Variants in UNC13C observed in about 807,000 individuals in gnomAD.
UNC13C encodes unc-13 homolog C, also known as protein unc-13 homolog C.
In UNC13C, 174 loss-of-function variants were observed where a neutral mutation model predicts 245.4. That is an observed-to-expected ratio of 0.71 (90% CI 0.63 to 0.80). The LOEUF (loss-of-function observed/expected upper bound fraction) is 0.80. Ranked by LOEUF, UNC13C falls within the 30% of genes least tolerant of loss-of-function variation. The probability of loss-of-function intolerance (pLI) is 0.00; values close to 1 mark genes in which losing one functional copy is unlikely to be tolerated. For missense variants in UNC13C, 2,829 were observed against 2,602.9 expected, an observed-to-expected ratio of 1.09 and a Z score of -1.89; for synonymous variants, 992 against 895.1, an observed-to-expected ratio of 1.11 and a Z score of -1.93.
chr15:53,928,687 G>A, the UNC13C span, among the ~76,000 whole-genome samples: 1 of 152,232 alleles, frequency 6.6e-6, no homozygotes, highest in African/African-American at 2.4e-5. Context: ...AGTTCTTGCA[G>A]TTGGGATTAA....
the UNC13C span, among the ~76,000 whole-genome samples, chr15:53,844,625 G>A: frequency 6.6e-6 from 1 of 152,104 alleles, no homozygotes. Context: ...TCAGGTTCTT[G>A]AGAATGACAT....
intron 29 of UNC13C, among the ~76,000 whole-genome samples, chr15:54,567,086 C>T (rs1897548919): frequency 6.6e-6 from 1 of 152,040 alleles, no homozygotes; most frequent in South Asian, 2.1e-4. Flanking sequence ...TCTGTCTGTG[C>T]ATAACACTTG....
chr15:54,090,005 T>C (rs900892172), intron 2 of UNC13C, among the ~76,000 whole-genome samples: 7 of 151,964 alleles, frequency 4.6e-5, no homozygotes, highest in African/African-American at 1.5e-4. Context: ...GGAAGGACTC[T>C]GGCACAAACA....
At chr15:53,897,892 C>G in the UNC13C span, among the ~76,000 whole-genome samples, 775 of 152,280 alleles carry the variant, frequency 5.1e-3, 3 homozygotes, top group African/African-American at 0.018. Context: ...TTCTGTCTAA[C>G]CCCTACTAAA....
At chr15:53,976,384 C>T (rs1045878065), upstream of UNC13C, among the ~76,000 whole-genome samples, 14 of 150,818 alleles carry the variant, frequency 9.3e-5, no homozygotes, top group African/African-American at 2.7e-4. Flanking sequence ...ATTTCCTCTA[C>T]GAGAATATTT....
chr15:54,042,055 C>G (rs980712037), intron 2 of UNC13C, among the ~76,000 whole-genome samples: 3 of 152,012 alleles, frequency 2.0e-5, no homozygotes, highest in Non-Finnish European at 4.4e-5. Flanking sequence ...TTGTGAGCAC[C>G]AACAAGATGC....
At chr15:54,485,182 A>C (rs982250036) in intron 19 of UNC13C, among the ~76,000 whole-genome samples, 1 of 152,226 alleles carries the variant, frequency 6.6e-6, no homozygotes, top group Non-Finnish European at 1.5e-5. Flanking sequence ...TTGATGATCC[A>C]CTTCATTCCC....
chr15:54,582,413 A>T (rs2141241237), intron 30 of UNC13C, among the ~76,000 whole-genome samples: 1 of 152,280 alleles, frequency 6.6e-6, no homozygotes, highest in East Asian at 1.9e-4. Context: ...AAGATATGAG[A>T]TATAGTTAAG....
At chr15:54,523,429 G>A (rs543908121) in intron 24 of UNC13C, among the ~76,000 whole-genome samples, 9 of 152,266 alleles carry the variant, frequency 5.9e-5, no homozygotes, top group African/African-American at 9.6e-5. Context: ...GAGACATTCC[G>A]TCTGCACCTG....
At chr15:54,065,531 G>A (rs1474428543) in intron 2 of UNC13C, among the ~76,000 whole-genome samples, 2 of 152,138 alleles carry the variant, frequency 1.3e-5, no homozygotes, top group African/African-American at 4.8e-5. Flanking sequence ...AAATCTCAGT[G>A]GCTTATCATA....
rs919471978 is a variant in UNC13C, at chr15:54,057,874, C to T, written c.2983+41988C>T. Among the ~76,000 whole-genome samples, 20 of 152,166 alleles carry T rather than the reference C, an allele frequency of 1.3e-4. No homozygotes were observed. In the East Asian group the frequency reaches 3.1e-3, roughly 23 times the overall value. ...TCCTGAATGACTACTGGGTACATAA[C>T]GAAACGAAGGCAGAAATAAAGATGT... On this transcript the variant is annotated intron_variant, in intron 2 of 32. Transcript: ENST00000260323.
At chr15:54,587,163 T>C (rs1010365670) in intron 30 of UNC13C, among the ~76,000 whole-genome samples, 8 of 152,232 alleles carry the variant, frequency 5.3e-5, no homozygotes, top group African/African-American at 1.9e-4. Flanking sequence ...GTCATGTTGA[T>C]TTTACACAAA....
intron 2 of UNC13C, among the ~76,000 whole-genome samples, chr15:54,064,835 T>G (rs1898002555): frequency 6.6e-6 from 1 of 152,192 alleles, no homozygotes; most frequent in Admixed American, 6.5e-5. Flanking sequence ...TTAATTTGCT[T>G]TTACTGACCA....
intron 2 of UNC13C, among the ~76,000 whole-genome samples, chr15:54,126,227 C>T (rs538645296): frequency 8.3e-4 from 126 of 152,056 alleles, no homozygotes; most frequent in African/African-American, 2.9e-3. Flanking sequence ...ATATGCTCTC[C>T]ATAAGGAACT....
chr15:54,548,650 G>A (rs1347805398), intron 27 of UNC13C, among the ~76,000 whole-genome samples: 2 of 151,968 alleles, frequency 1.3e-5, no homozygotes, highest in African/African-American at 4.8e-5. Context: ...TTTTTAGTGT[G>A]CAATTTTGTA....
intron 30 of UNC13C, among the ~76,000 whole-genome samples, chr15:54,603,725 G>A (rs1899587945): frequency 1.3e-5 from 2 of 152,260 alleles, no homozygotes; most frequent in African/African-American, 2.4e-5. Context: ...TTAGCCAGGT[G>A]TAGTGGCAGG....
chr15:54,479,415 T>A (rs1259672667), intron 19 of UNC13C, among the ~76,000 whole-genome samples: 1 of 152,154 alleles, frequency 6.6e-6, no homozygotes, highest in African/African-American at 2.4e-5. Flanking sequence ...TGATTTCCAT[T>A]TTTGTGGAAT....
At chr15:54,165,960 G>T (rs1263083653) in intron 4 of UNC13C, among the ~76,000 whole-genome samples, 5 of 151,194 alleles carry the variant, frequency 3.3e-5, no homozygotes. Context: ...CTTATTTCTT[G>T]CCATTTGCAT....
rs534366359 is a variant in UNC13C, at chr15:54,284,611, A to C, written c.3819-9284A>C. Among the ~76,000 whole-genome samples the C allele has an allele frequency of 4.1e-5, 6 of 146,296 alleles. No individual in the cohort carries two copies. The South Asian group carries it at 1.3e-3, about 32-fold the overall frequency. On this transcript the variant is annotated intron_variant, in intron 10 of 32. Transcript: ENST00000260323. ...ATGGTGAATAGAAATCACCACGAGC[A>C]CATGTGCACACTTGTGCACACACAC...
Sources: allele counts gnomAD v4.1 joint callset (sites outside exome capture counted in the v4.1 genomes callset), GRCh38; gene constraint gnomAD v4.1.1; transcripts MANE v1.5; gene names NCBI Gene and HGNC (gene_info 2026-07-23, HGNC 2026-07-21).